ADAMTS17: variants seen among roughly 807,000 people sequenced by gnomAD.
The protein encoded by ADAMTS17 is ADAM metallopeptidase with thrombospondin type 1 motif 17.
In ADAMTS17, 113 loss-of-function variants were observed where a neutral mutation model predicts 141.5. The observed-to-expected ratio is 0.80, with a 90% confidence interval of 0.69 to 0.93. ADAMTS17 has a LOEUF of 0.93. Ranked by LOEUF, ADAMTS17 falls within the 40% of genes least tolerant of loss-of-function variation. The pLI is 0.00. For missense variants in ADAMTS17, 1,659 were observed against 1,517.9 expected (o/e 1.09, Z -1.54); for synonymous variants, 768 against 630.6 (o/e 1.22, Z -3.27).
At position 100,024,864 on chromosome 15, in the gene ADAMTS17, A is replaced by G. The variant is rs1440487807; in HGVS notation, c.2591+23993T>C. Among the ~76,000 whole-genome samples, 7 of 152,190 alleles carry G rather than the reference A, an allele frequency of 4.6e-5. No individual in the cohort carries two copies. The East Asian group carries it at 1.3e-3, about 29-fold the overall frequency. On this transcript the variant is annotated intron_variant, in intron 18 of 21. Transcript: ENST00000268070. ...TCCTTAGCACGTGACCTTGACAAATACATGTCTAGTTGCAATGTGACCTGC... is the reference window on the plus strand; with the variant it reads ...TCCTTAGCACGTGACCTTGACAAATGCATGTCTAGTTGCAATGTGACCTGC...
At chr15:100,030,875 CAT>C (rs905341323) in intron 18 of ADAMTS17, among the ~76,000 whole-genome samples, 2 of 152,148 alleles carry the variant, frequency 1.3e-5, no homozygotes, top group Admixed American at 6.5e-5. Flanking sequence ...TGCACGCTCA[CAT>C]GTGTATGTGT....
chr15:100,112,954 G>A (rs2036882278), intron 13 of ADAMTS17, among the ~76,000 whole-genome samples: 1 of 152,138 alleles, frequency 6.6e-6, no homozygotes, highest in African/African-American at 2.4e-5. Flanking sequence ...TCTCTCTCTA[G>A]GCCAGCAGTT....
At chr15:100,044,869 G>C (rs191068465) in intron 18 of ADAMTS17, among the ~76,000 whole-genome samples, 1 of 151,060 alleles carries the variant, frequency 6.6e-6, no homozygotes, top group Non-Finnish European at 1.5e-5. Flanking sequence ...GTACAGTGGC[G>C]TGATCTCAGC....
At chr15:100,341,773 G>T (rs746825042) in intron 1 of ADAMTS17, 48 bp downstream of exon 1, 2 of 1,538,652 alleles carry the variant, frequency 1.3e-6, no homozygotes, top group African/African-American at 2.8e-5. Flanking sequence ...GCAGAGGGAA[G>T]GTAGCCGCAG....
chr15:100,068,391 CTTG>C (rs1205535666), intron 15 of ADAMTS17, among the ~76,000 whole-genome samples: 2 of 152,216 alleles, frequency 1.3e-5, no homozygotes, highest in African/African-American at 4.8e-5. Context: ...TTCTGACAGC[CTTG>C]AAGAGAGTAG....
intron 7 of ADAMTS17, among the ~76,000 whole-genome samples, chr15:100,210,198 T>C (rs1355305788): frequency 8.7e-6 from 1 of 114,326 alleles, no homozygotes; most frequent in Non-Finnish European, 1.6e-5. Flanking sequence ...GCCACTGCAC[T>C]CCAGCCTGGG....
At chr15:100,214,679 C>T (rs913812919) in intron 7 of ADAMTS17, among the ~76,000 whole-genome samples, 11 of 152,286 alleles carry the variant, frequency 7.2e-5, no homozygotes, top group African/African-American at 1.2e-4. Context: ...TCTATTCTTC[C>T]GGGCACTGGA....
intron 3 of ADAMTS17, among the ~76,000 whole-genome samples, chr15:100,312,549 A>G (rs1310510763): frequency 6.6e-6 from 1 of 152,234 alleles, no homozygotes; most frequent in African/African-American, 2.4e-5. Flanking sequence ...GAGCGGTAAT[A>G]AGAAAGTAAT....
At chr15:100,126,077 G>T (rs59315812) in intron 12 of ADAMTS17, 2 of 152,186 alleles carry the variant, frequency 1.3e-5, no homozygotes, top group African/African-American at 2.4e-5. Flanking sequence ...GTCAGAGCTT[G>T]GCTCTGAGGC....
chr15:100,158,632 G>C (rs2039548379), intron 8 of ADAMTS17, among the ~76,000 whole-genome samples: 1 of 152,118 alleles, frequency 6.6e-6, no homozygotes, highest in Admixed American at 6.5e-5. Context: ...CCCACTCTTT[G>C]ATTCTATGAA....
At chr15:100,043,962 A>T (rs1219762911) in intron 18 of ADAMTS17, among the ~76,000 whole-genome samples, 2 of 151,928 alleles carry the variant, frequency 1.3e-5, no homozygotes, top group East Asian at 3.8e-4. Context: ...TCATTAATAG[A>T]GTCTGCACTC....
chr15:100,073,240 A>C (rs1006779006), intron 15 of ADAMTS17, among the ~76,000 whole-genome samples: 18 of 152,138 alleles, frequency 1.2e-4, no homozygotes, highest in African/African-American at 4.1e-4. Context: ...TTAGAATGGC[A>C]ATCATTAAAA....
At chr15:100,161,310 A>T (rs1299156628) in intron 8 of ADAMTS17, among the ~76,000 whole-genome samples, 4 of 152,194 alleles carry the variant, frequency 2.6e-5, no homozygotes, top group African/African-American at 4.8e-5. Flanking sequence ...CTTCAGCTTT[A>T]CCTGGCTCTG....
chr15:100,300,384 C>G (rs2044987839), intron 3 of ADAMTS17, among the ~76,000 whole-genome samples: 1 of 152,172 alleles, frequency 6.6e-6, no homozygotes, highest in Non-Finnish European at 1.5e-5. Context: ...TGCCAAGGAC[C>G]CTTCAGAGCA....
rs117949727 is a variant in ADAMTS17, at chr15:100,027,185, T to C, written c.2591+21672A>G. On this transcript the variant is annotated intron_variant, in intron 18 of 21. Transcript: ENST00000268070. ...GTTTATCAGTTTTTAATGATATCTC[T>C]TGACTTCCACCCACTCTCTAAACAA... Among the ~76,000 whole-genome samples the C allele has an allele frequency of 6.4e-3, 980 of 152,356 alleles. 4 individuals are homozygous for C. Among genetic ancestry groups the C allele is most frequent in the Non-Finnish European group, 0.01 (698 of 68,030 alleles).
intron 8 of ADAMTS17, among the ~76,000 whole-genome samples, chr15:100,171,803 G>T (rs533490847): frequency 6.6e-6 from 1 of 152,146 alleles, no homozygotes; most frequent in African/African-American, 2.4e-5. Flanking sequence ...TAAATGAATG[G>T]AACCAACGGA....
chr15:100,001,365 T>C (rs2141362266), intron 18 of ADAMTS17, among the ~76,000 whole-genome samples: 1 of 152,104 alleles, frequency 6.6e-6, no homozygotes, highest in South Asian at 2.1e-4. Flanking sequence ...TTTTTTTTTT[T>C]TTTTAAAGAA....
chr15:100,300,079 C>T (rs2044974826), intron 3 of ADAMTS17, among the ~76,000 whole-genome samples: 1 of 152,156 alleles, frequency 6.6e-6, no homozygotes, highest in Non-Finnish European at 1.5e-5. Context: ...TAGCAAGCAA[C>T]AACAAATCCT....
At chr15:100,042,770 G>A (rs960154181) in intron 18 of ADAMTS17, among the ~76,000 whole-genome samples, 2 of 152,166 alleles carry the variant, frequency 1.3e-5, no homozygotes, top group African/African-American at 4.8e-5. Flanking sequence ...GACAGAGCGG[G>A]ATGGTGTGAG....
Sources: gnomAD v4.1 joint callset for allele counts (sites outside exome capture counted in the v4.1 genomes callset) on GRCh38, gnomAD v4.1.1 for gene constraint, MANE v1.5 for transcripts, NCBI Gene and HGNC (gene_info 2026-07-23, HGNC 2026-07-21) for gene names.